Variants in STMN2 observed in about 807,000 individuals in gnomAD.
STMN2 encodes stathmin-2.
In STMN2, 2 loss-of-function variants were observed where a neutral mutation model predicts 24.1. The observed-to-expected ratio is 0.08, with a 90% CI of 0.03 to 0.26. The LOEUF (loss-of-function observed/expected upper bound fraction) is 0.26, where lower values mean the gene tolerates loss of function less well. STMN2 is among the 10% of genes least tolerant of loss of function. The probability of loss-of-function intolerance (pLI) is 1.00; values close to 1 mark genes in which losing one functional copy is unlikely to be tolerated. For missense variants in STMN2, 114 were observed against 213.6 expected (o/e 0.53, Z 2.91); for synonymous variants, 83 against 77.5 (o/e 1.07, Z -0.37).
At chr8:79,613,476 C>A in intron 1 of STMN2, 1 of 985,508 alleles carries the variant, frequency 1.0e-6, no homozygotes, top group Non-Finnish European at 1.2e-6. Flanking sequence ...ATTCGCAGTT[C>A]ACTCGCACGT....
chr8:79,630,349 C>T (rs756867340), intron 1 of STMN2, among the ~76,000 whole-genome samples: 3 of 152,242 alleles, frequency 2.0e-5, no homozygotes, highest in East Asian at 3.9e-4. Context: ...GCATAATAGG[C>T]TATCCACCCT....
chr8:79,654,235 G>T (rs906565704), intron 3 of STMN2, among the ~76,000 whole-genome samples: 4 of 151,948 alleles, frequency 2.6e-5, no homozygotes, highest in Non-Finnish European at 5.9e-5. Context: ...AAATCACTGA[G>T]CAACCACAGG....
At chr8:79,625,337 A>T (rs147117588) in intron 1 of STMN2, among the ~76,000 whole-genome samples, 3 of 152,228 alleles carry the variant, frequency 2.0e-5, no homozygotes, top group East Asian at 3.9e-4. Flanking sequence ...TTGGGTACTT[A>T]CTGAGTCAAG....
intron 4 of STMN2, among the ~76,000 whole-genome samples, chr8:79,660,760 T>C (rs929365228): frequency 2.6e-5 from 4 of 152,112 alleles, no homozygotes; most frequent in Non-Finnish European, 5.9e-5. Context: ...ACCCAAGCAG[T>C]GTACACTGTA....
chr8:79,626,818 G>C lies in STMN2; in HGVS notation c.20-9984G>C, dbSNP rs1809667544. Among the ~76,000 whole-genome samples, 4 of 152,302 alleles carry C rather than the reference G, an allele frequency of 2.6e-5. No individual in the cohort carries two copies. In the South Asian group the frequency reaches 8.3e-4, roughly 32 times the overall value. On this transcript the variant is annotated intron_variant, in intron 1 of 4. Coordinates refer to ENST00000220876, the MANE Select transcript of STMN2 (RefSeq NM_007029.4). Reference sequence around the variant, plus strand: ...CTTGCCCTCAGGAAACTTAAGTATAGTTGCAAAGAAATGATTAGCAGCAAA... The same window carrying C: ...CTTGCCCTCAGGAAACTTAAGTATACTTGCAAAGAAATGATTAGCAGCAAA...
At chr8:79,633,949 T>C (rs17524452) in intron 1 of STMN2, among the ~76,000 whole-genome samples, 16,049 of 152,220 alleles carry the variant, frequency 0.11, 1,183 homozygotes, top group Non-Finnish European at 0.16. Context: ...AGGACAGATA[T>C]TGAGGAGTTT....
At chr8:79,612,016 A>G (rs1809241917) in intron 1 of STMN2, among the ~76,000 whole-genome samples, 1 of 152,234 alleles carries the variant, frequency 6.6e-6, no homozygotes, top group South Asian at 2.1e-4. Flanking sequence ...AGGCACCTGC[A>G]GCGCTGGGCG....
intron 1 of STMN2, among the ~76,000 whole-genome samples, chr8:79,616,664 C>G (rs1040647997): frequency 6.6e-6 from 1 of 152,112 alleles, no homozygotes; most frequent in African/African-American, 2.4e-5. Flanking sequence ...CTGGTAAGCT[C>G]TGGTATTATG....
intron 1 of STMN2, among the ~76,000 whole-genome samples, chr8:79,636,418 T>C (rs948952428): frequency 6.6e-6 from 1 of 152,176 alleles, no homozygotes; most frequent in Non-Finnish European, 1.5e-5. Flanking sequence ...TTATGTACAA[T>C]AGACCTGCAT....
At chr8:79,617,926 T>A (rs1051322742) in intron 1 of STMN2, among the ~76,000 whole-genome samples, 5 of 152,214 alleles carry the variant, frequency 3.3e-5, no homozygotes, top group Non-Finnish European at 5.9e-5. Context: ...TAATCCTAAG[T>A]AGGTTCTATT....
At chr8:79,624,453 CAAAAAAA>C (rs1011493193) in intron 1 of STMN2, among the ~76,000 whole-genome samples, 104 of 45,128 alleles carry the variant, frequency 2.3e-3, no homozygotes, top group Middle Eastern at 0.014. Flanking sequence ...GACTCCGTCT[CAAAAAAA>C]AAAAAAAAAA....
intron 1 of STMN2, among the ~76,000 whole-genome samples, chr8:79,632,784 G>A (rs2130337797): frequency 6.6e-6 from 1 of 152,188 alleles, no homozygotes; most frequent in African/African-American, 2.4e-5. Context: ...ATTTTGCCTA[G>A]GATGAATAAA....
At position 79,630,348 on chromosome 8, in the gene STMN2, G is replaced by A. The variant is rs541029461; in HGVS notation, c.20-6454G>A. Among the ~76,000 whole-genome samples the A allele has an allele frequency of 5.3e-4, 81 of 152,182 alleles. 1 individual carries two copies. The highest frequency in any genetic ancestry group is 1.9e-3 in the East Asian group (10 of 5,188). Reference sequence around the variant, plus strand: ...TCTGCTTTCACTGAGAGCATAATAGGCTATCCACCCTTATGCAATCTTACA... The same window carrying A: ...TCTGCTTTCACTGAGAGCATAATAGACTATCCACCCTTATGCAATCTTACA... On this transcript the variant is annotated intron_variant, in intron 1 of 4. Coordinates refer to ENST00000220876, the MANE Select transcript of STMN2 (RefSeq NM_007029.4).
intron 3 of STMN2, among the ~76,000 whole-genome samples, chr8:79,651,293 A>G (rs375953613): frequency 6.6e-6 from 1 of 152,196 alleles, no homozygotes; most frequent in South Asian, 2.1e-4. Context: ...TAATTGTGCT[A>G]AAGAAATGCA....
chr8:79,629,161 A>G (rs1007335854), intron 1 of STMN2, among the ~76,000 whole-genome samples: 1 of 152,208 alleles, frequency 6.6e-6, no homozygotes, highest in Non-Finnish European at 1.5e-5. Context: ...CACTCACCTC[A>G]CAGGCTCTGT....
chr8:79,663,518 G>A (rs1806541513), intron 4 of STMN2: 4 of 1,089,902 alleles, frequency 3.7e-6, no homozygotes, highest in Non-Finnish European at 5.1e-6. Context: ...ATGATATAAA[G>A]AACCCTATAA....
chr8:79,658,354 C>T (rs1806422447), intron 4 of STMN2, among the ~76,000 whole-genome samples: 1 of 152,124 alleles, frequency 6.6e-6, no homozygotes, highest in Non-Finnish European at 1.5e-5. Context: ...TGACACCTAT[C>T]AATGAGTTAA....
chr8:79,622,358 A>T (rs1234793655), intron 1 of STMN2, among the ~76,000 whole-genome samples: 1 of 152,238 alleles, frequency 6.6e-6, no homozygotes, highest in Non-Finnish European at 1.5e-5. Flanking sequence ...AAAATAATAA[A>T]AATTTAAAGT....
chr8:79,655,853 T>C (rs539792631), intron 4 of STMN2, among the ~76,000 whole-genome samples: 1 of 152,304 alleles, frequency 6.6e-6, no homozygotes, highest in East Asian at 1.9e-4. Context: ...AATGGGATGT[T>C]TGAGAAAGAC....
Sources: gnomAD v4.1 joint callset for allele counts (sites outside exome capture counted in the v4.1 genomes callset) on GRCh38, gnomAD v4.1.1 for gene constraint, MANE v1.5 for transcripts, NCBI Gene and HGNC (gene_info 2026-07-23, HGNC 2026-07-21) for gene names.